LPIN1: variants seen among roughly 807,000 people sequenced by gnomAD.
LPIN1 encodes phosphatidate phosphatase LPIN1.
A neutral mutation model predicts 107.5 loss-of-function variants in LPIN1; 71 were observed. That is an observed-to-expected ratio of 0.66 (90% CI 0.55 to 0.80). The LOEUF (loss-of-function observed/expected upper bound fraction) is 0.80. Among genes scored for constraint, LPIN1 ranks in the 30% least tolerant of loss-of-function variants. The pLI is 0.00. For missense variants in LPIN1, 1,043 were observed against 1,160.6 expected (o/e 0.90, Z 1.47); for synonymous variants, 445 against 452.6 (o/e 0.98, Z 0.21).
intron 7 of LPIN1, among the ~76,000 whole-genome samples, chr2:11,781,988 A>G (rs749610277): frequency 2.0e-5 from 3 of 152,194 alleles, no homozygotes; most frequent in Non-Finnish European, 4.4e-5. Flanking sequence ...TCTCTTTGGC[A>G]GTTGATGTTT....
chr2:11,732,026 GC>G (rs1321768814), intron 1 of LPIN1, among the ~76,000 whole-genome samples: 1 of 152,146 alleles, frequency 6.6e-6, no homozygotes, highest in Non-Finnish European at 1.5e-5. Context: ...TCTGTAGGTT[GC>G]CTGTTCACTC....
intron 1 of LPIN1, among the ~76,000 whole-genome samples, chr2:11,757,664 T>C (rs1029258570): frequency 2.0e-5 from 3 of 152,138 alleles, no homozygotes; most frequent in African/African-American, 7.2e-5. Context: ...TTAAAGGGCA[T>C]GGTCCCTCCC....
Position 11,779,566 on chromosome 2 carries a change from T to G in LPIN1, c.878T>G (p.Val293Gly), listed in dbSNP as rs371732049. 6.3e-5 allele frequency: 101 copies of G among 1,613,950 alleles called. 1 individual carries two copies. Among genetic ancestry groups the G allele is most frequent in the Admixed American group, 2.5e-4 (15 of 60,008 alleles). ...PSTPKSDSEL[V>G]SKSTERTGQK... ...ACACCTAAAAGTGATTCAGAATTGG[T>G]CAGCAAGTCCACGGAAAGGACAGGG... Residue 293 changes from valine (V) to glycine (G), a missense_variant, in exon 7 of 21, where the codon GTC (valine) becomes GGC (glycine). Val to Gly is a moderately radical substitution (Grantham distance 109, BLOSUM62 -3). Transcript: ENST00000674199.
intron 13 of LPIN1, among the ~76,000 whole-genome samples, chr2:11,793,795 C>T (rs1431026343): frequency 6.6e-6 from 1 of 152,166 alleles, no homozygotes; most frequent in South Asian, 2.1e-4. Context: ...TAATTACTAG[C>T]GTGACTATTT....
exon 1 of LPIN1, chr2:11,724,408 C>T: frequency 1.0e-6 from 1 of 986,384 alleles, no homozygotes; most frequent in Non-Finnish European, 1.2e-6. Context: ...AGGGAAGGAA[C>T]AGGAGGGAAG....
chr2:11,801,182 G>A (rs1373288846), intron 14 of LPIN1, among the ~76,000 whole-genome samples: 2 of 152,160 alleles, frequency 1.3e-5, no homozygotes, highest in Non-Finnish European at 2.9e-5. Context: ...CAGCTATTAT[G>A]GAAAACAGTA....
At chr2:11,792,204 A>G (rs892359335) in intron 13 of LPIN1, 198 bp downstream of exon 13, 2 of 579,008 alleles carry the variant, frequency 3.5e-6, no homozygotes. Flanking sequence ...AGCCAGCAGC[A>G]TAGGTGTCAC....
At chr2:11,821,385 T>C (rs77531476) in intron 20 of LPIN1, among the ~76,000 whole-genome samples, 1,919 of 152,174 alleles carry the variant, frequency 0.013, 50 homozygotes, top group African/African-American at 0.044. Flanking sequence ...GGTGTGGTGG[T>C]GCATGCCTGT....
At chr2:11,823,385 T>G (rs558679250) in intron 20 of LPIN1, among the ~76,000 whole-genome samples, 51 of 152,214 alleles carry the variant, frequency 3.4e-4, no homozygotes, top group Non-Finnish European at 6.2e-4. Context: ...CGGGAGGTAT[T>G]TTAAAAATCT....
intron 20 of LPIN1, chr2:11,822,937 A>T (rs983535096): frequency 6.6e-6 from 1 of 152,178 alleles, no homozygotes; most frequent in Non-Finnish European, 1.5e-5. Context: ...GACTTTACTC[A>T]TTGCCAGGGG....
chr2:11,742,137 C>T (rs888836690), upstream of LPIN1: 9 of 152,272 alleles, frequency 5.9e-5, no homozygotes, highest in South Asian at 2.1e-4. Flanking sequence ...CCCTAGACTT[C>T]GTGCACCTGA....
intron 2 of LPIN1, among the ~76,000 whole-genome samples, chr2:11,718,179 G>A (rs1663878270): frequency 6.6e-6 from 1 of 152,084 alleles, no homozygotes; most frequent in African/African-American, 2.4e-5. Flanking sequence ...TTTACAATAA[G>A]CAAAAGCTGG....
intron 1 of LPIN1, among the ~76,000 whole-genome samples, chr2:11,698,729 G>GTATTTTGGACGAGGTCAGGGCTTTGCACA (rs1662715002): frequency 2.0e-5 from 3 of 152,216 alleles, no homozygotes; most frequent in Non-Finnish European, 4.4e-5. Flanking sequence ...GGAATCTCTG[G>GTATTTTGGACGAGGTCAGGGCTTTGCACA]TATTTTGGAC....
intron 1 of LPIN1, 56 bp downstream of exon 1, chr2:11,746,727 T>C (rs1442285121): frequency 3.3e-6 from 3 of 908,518 alleles, no homozygotes; most frequent in Non-Finnish European, 3.9e-6. Flanking sequence ...CAGCCTCGGG[T>C]TAGGCGGGGC....
chr2:11,691,085 T>TTTG (rs1478196015), intron 1 of LPIN1, among the ~76,000 whole-genome samples: 3 of 65,264 alleles, frequency 4.6e-5, no homozygotes, highest in African/African-American at 1.8e-4. Context: ...CTTGTTGTGG[T>TTTG]TTTTTTTTTT....
intron 1 of LPIN1, among the ~76,000 whole-genome samples, chr2:11,689,205 C>G (rs556841335): frequency 5.9e-5 from 9 of 152,324 alleles, no homozygotes; most frequent in Admixed American, 3.3e-4. Context: ...TTGTAAGAAA[C>G]ACACAGGTGA....
rs548508177 is a variant in LPIN1 at position 11,782,326 on chromosome 2, G to C, written c.1083G>C (p.Leu361=). ...SDTFSDQSPT[L]VGGALLDQNK... ...CTTTTAGTGACCAATCGCCAACTCT[G>C]GTCGGTGGGGCACTTTTGGACCAGA... Residue 361 remains leucine (L), a synonymous_variant, in exon 8 of 21, where the codon CTG becomes CTC. Coordinates refer to ENST00000674199, the MANE Select transcript of LPIN1 (RefSeq NM_001349206.2). The C allele has an allele frequency of 6.2e-7, 1 of 1,614,180 alleles. No individual in the cohort carries two copies. Among genetic ancestry groups the C allele is most frequent in the Non-Finnish European group, 8.5e-7 (1 of 1,180,036 alleles).
chr2:11,771,855 C>G lies in LPIN1; in HGVS notation c.596+176C>G, dbSNP rs72774000. Among the ~76,000 whole-genome samples the G allele has an allele frequency of 0.14, 20,948 of 152,142 alleles. 1,774 individuals are homozygous for G. The highest frequency in any genetic ancestry group is 0.2 in the Non-Finnish European group (13,594 of 67,974). ...TGTGGAAGACAGTGTTTCCATGGAC[C>G]AGGGGTGGATGGTTTTAGGAGGACT... On this transcript the variant is annotated intron_variant, in intron 4 of 20. Coordinates refer to ENST00000674199, the MANE Select transcript of LPIN1 (RefSeq NM_001349206.2). The surrounding 1 kb of genome is among the most constrained non-coding windows in gnomAD (Gnocchi z 4.8).
At chr2:11,812,856 A>G (rs1008748397) in intron 17 of LPIN1, among the ~76,000 whole-genome samples, 1 of 152,184 alleles carries the variant, frequency 6.6e-6, no homozygotes, top group Non-Finnish European at 1.5e-5. Flanking sequence ...AGATTGTCGC[A>G]GCAACGGAGG....
Sources: allele counts gnomAD v4.1 joint callset (sites outside exome capture counted in the v4.1 genomes callset), GRCh38; gene constraint gnomAD v4.1.1; non-coding constraint Gnocchi (gnomAD v3.1); transcripts MANE v1.5; gene names NCBI Gene and HGNC (gene_info 2026-07-23, HGNC 2026-07-21).